The following DLG2 variants were observed in gnomAD, a reference collection of about 807,000 sequenced individuals.
DLG2 encodes discs large MAGUK scaffold protein 2.
Under a neutral mutation model 132.5 loss-of-function variants are expected in DLG2, and 45 were observed. The observed-to-expected ratio is 0.34, with a 90% CI of 0.27 to 0.44. The LOEUF (loss-of-function observed/expected upper bound fraction) is 0.44, where lower values mean the gene tolerates loss of function less well. Among genes scored for constraint, DLG2 ranks in the 20% least tolerant of loss-of-function variants. The pLI, the probability that DLG2 is intolerant of heterozygous loss-of-function variation, is 1.00. For missense variants in DLG2, 1,045 were observed against 1,196.9 expected (o/e 0.87, Z 1.87); for synonymous variants, 424 against 419.6 (o/e 1.01, Z -0.13).
intron 18 of DLG2, among the ~76,000 whole-genome samples, chr11:83,665,996 T>C (rs1025614146): frequency 4.6e-5 from 7 of 152,076 alleles, no homozygotes; most frequent in African/African-American, 1.2e-4. Context: ...ATCTCCCCCA[T>C]GATTTTTTTT....
Position 84,431,890 on chromosome 11 carries a change from G to A in DLG2, c.519+102680C>T, listed in dbSNP as rs563569826. Among the ~76,000 whole-genome samples, 26 of 152,072 alleles carry A rather than the reference G, an allele frequency of 1.7e-4. 1 individual carries two copies. The highest frequency in any genetic ancestry group is 6.0e-4 in the African/African-American group (25 of 41,488). ...TTCATGATGTGTTATGGTTTCATTG[G>A]CAATCTTTTTTTTAGTAATAGATGA... is the stretch of plus-strand genomic sequence containing the variant. On this transcript the variant is annotated intron_variant, in intron 7 of 27. Transcript: ENST00000376104.
intron 3 of DLG2, among the ~76,000 whole-genome samples, chr11:85,593,105 A>T (rs2079479308): frequency 6.6e-6 from 1 of 152,212 alleles, no homozygotes; most frequent in Non-Finnish European, 1.5e-5. Context: ...ATTGGACACC[A>T]TAATGATAAT....
chr11:84,503,611 A>C (rs968683342), intron 7 of DLG2, among the ~76,000 whole-genome samples: 1 of 152,138 alleles, frequency 6.6e-6, no homozygotes, highest in African/African-American at 2.4e-5. Flanking sequence ...AGCTACCCTC[A>C]TTTCCAACAA....
At chr11:83,726,333 C>T (rs2089992821) in intron 18 of DLG2, among the ~76,000 whole-genome samples, 1 of 152,134 alleles carries the variant, frequency 6.6e-6, no homozygotes, top group Non-Finnish European at 1.5e-5. Context: ...TAGGTTAAAT[C>T]ATAAAACTAA....
At chr11:83,728,074 T>C (rs573518040) in intron 18 of DLG2, among the ~76,000 whole-genome samples, 11 of 152,288 alleles carry the variant, frequency 7.2e-5, no homozygotes, top group African/African-American at 2.6e-4. Context: ...CCATTAATCT[T>C]ACCTCCAAAA....
intron 3 of DLG2, among the ~76,000 whole-genome samples, chr11:85,397,544 C>A (rs897343155): frequency 1.3e-5 from 2 of 151,872 alleles, no homozygotes; most frequent in African/African-American, 4.8e-5. Context: ...ATCTCATGTG[C>A]AAAGACAAAA....
chr11:84,098,862 A>G, intron 10 of DLG2, 61 bp downstream of exon 10: 1 of 1,570,058 alleles, frequency 6.4e-7, no homozygotes, highest in Non-Finnish European at 8.7e-7. Context: ...AAAGGTACAA[A>G]TGTGTCTCAT....
intron 8 of DLG2, among the ~76,000 whole-genome samples, chr11:84,203,778 G>C (rs2096629281): frequency 6.6e-6 from 1 of 151,928 alleles, no homozygotes; most frequent in Admixed American, 6.6e-5. Flanking sequence ...GCTTGTCAGA[G>C]GGTGTGGGTG....
chr11:84,744,568 A>C (rs1261197785), intron 6 of DLG2, among the ~76,000 whole-genome samples: 4 of 152,224 alleles, frequency 2.6e-5, no homozygotes, highest in African/African-American at 9.6e-5. Context: ...CTTTTCTATA[A>C]AAATACTAAA....
intron 18 of DLG2, among the ~76,000 whole-genome samples, chr11:83,703,753 A>G (rs1389954691): frequency 6.6e-6 from 1 of 152,236 alleles, no homozygotes; most frequent in African/African-American, 2.4e-5. Flanking sequence ...GCTCTGAAAG[A>G]TCATATAAAT....
intron 21 of DLG2, among the ~76,000 whole-genome samples, chr11:83,514,389 G>T (rs1303083614): frequency 6.6e-6 from 1 of 152,156 alleles, no homozygotes; most frequent in East Asian, 1.9e-4. Flanking sequence ...TGTATCCTGA[G>T]ACTTTGCTGA....
intron 4 of DLG2, among the ~76,000 whole-genome samples, chr11:85,264,714 C>G (rs151005245): frequency 1.3e-5 from 2 of 152,246 alleles, no homozygotes; most frequent in African/African-American, 4.8e-5. Context: ...GTAGTCTTCT[C>G]AGACTACAGG....
chr11:85,384,822 T>G (rs901070384), intron 3 of DLG2, among the ~76,000 whole-genome samples: 1 of 152,172 alleles, frequency 6.6e-6, no homozygotes, highest in Non-Finnish European at 1.5e-5. Context: ...TCCACCCACC[T>G]CGGCCTCCAA....
chr11:84,075,341 G>A (rs930865192), intron 10 of DLG2, among the ~76,000 whole-genome samples: 4 of 152,082 alleles, frequency 2.6e-5, no homozygotes, highest in Admixed American at 6.6e-5. Flanking sequence ...ACCTTTCTTA[G>A]AGTAGGAGCC....
chr11:85,480,939 C>G (rs1236374839), intron 3 of DLG2, among the ~76,000 whole-genome samples: 1 of 152,036 alleles, frequency 6.6e-6, no homozygotes, highest in African/African-American at 2.4e-5. Context: ...GATGGTGTAG[C>G]ACAAAGAGAC....
chr11:84,840,864 T>C (rs535568804), intron 6 of DLG2, among the ~76,000 whole-genome samples: 1 of 151,910 alleles, frequency 6.6e-6, no homozygotes, highest in East Asian at 2.0e-4. Context: ...GGGGGAGGGA[T>C]AGCATTAGCA....
At chr11:83,482,290 TAAAC>T (rs1192223356) in intron 22 of DLG2, among the ~76,000 whole-genome samples, 3 of 152,002 alleles carry the variant, frequency 2.0e-5, no homozygotes, top group Non-Finnish European at 4.4e-5. Flanking sequence ...TTTATACAAA[TAAAC>T]AGCTTCTAAA....
chr11:84,928,980 G>GTATATA (rs1385905913), intron 6 of DLG2, among the ~76,000 whole-genome samples: 103 of 40,186 alleles, frequency 2.6e-3, no homozygotes, highest in African/African-American at 7.4e-3. Context: ...GTGTGTGTGT[G>GTATATA]TGTATATATA....
chr11:84,345,971 T>G (rs796425652), intron 7 of DLG2, among the ~76,000 whole-genome samples: 47 of 152,310 alleles, frequency 3.1e-4, no homozygotes, highest in African/African-American at 1.1e-3. Context: ...GGAAAGGCAG[T>G]GGGTTAACAA....
Sources: allele counts gnomAD v4.1 joint callset (sites outside exome capture counted in the v4.1 genomes callset), GRCh38; gene constraint gnomAD v4.1.1; transcripts MANE v1.5; gene names NCBI Gene and HGNC (gene_info 2026-07-23, HGNC 2026-07-21).